The following VPS50 variants were observed in gnomAD, a reference collection of about 807,000 sequenced individuals.
VPS50 encodes VPS50 subunit of EARP/GARPII complex.
VPS50 carries 70 observed loss-of-function variants against 139.7 expected under a neutral mutation model. The ratio of observed to expected loss-of-function variants is 0.50; its 90% CI spans 0.41 to 0.61. The LOEUF (loss-of-function observed/expected upper bound fraction) is 0.61, where lower values mean the gene tolerates loss of function less well. VPS50 is among the 20% of genes least tolerant of loss of function. The pLI is 0.00. For synonymous variants in VPS50, 365 were observed against 376.7 expected, an observed-to-expected ratio of 0.97 and a Z score of 0.36; for missense variants, 921 against 1,133.7, an observed-to-expected ratio of 0.81 and a Z score of 2.69.
chr7:93,278,457 T>C (rs992400389), intron 12 of VPS50, among the ~76,000 whole-genome samples: 2 of 149,012 alleles, frequency 1.3e-5, no homozygotes, highest in African/African-American at 4.9e-5. Flanking sequence ...ATTAGCTGGG[T>C]GTAGTGGCGC....
At chr7:93,264,563 TTTAACA>T (rs1346179329) in intron 9 of VPS50, among the ~76,000 whole-genome samples, 1 of 152,346 alleles carries the variant, frequency 6.6e-6, no homozygotes, top group East Asian at 1.9e-4. Flanking sequence ...AGTACTGTAC[TTTAACA>T]TAAACAGATG....
intron 1 of VPS50, among the ~76,000 whole-genome samples, chr7:93,234,673 T>G (rs1271178865): frequency 6.6e-6 from 1 of 152,198 alleles, no homozygotes; most frequent in African/African-American, 2.4e-5. Context: ...AAGTATTTCT[T>G]TTTTTGAACC....
At chr7:93,342,965 G>A (rs902878446) in intron 23 of VPS50, among the ~76,000 whole-genome samples, 2 of 152,180 alleles carry the variant, frequency 1.3e-5, no homozygotes, top group Non-Finnish European at 1.5e-5. Flanking sequence ...CACCAGCAAC[G>A]GAACAAAGCT....
chr7:93,312,086 A>AATT (rs1251224185), intron 20 of VPS50, among the ~76,000 whole-genome samples: 12 of 152,260 alleles, frequency 7.9e-5, no homozygotes, highest in Non-Finnish European at 7.4e-5. Context: ...TCTTAAATTT[A>AATT]ATTAATGAAT....
rs536975505 is a variant in VPS50, at chr7:93,258,116, T to C, written c.423-43T>C. 16 of 792,804 alleles carry C rather than the reference T, an allele frequency of 2.0e-5. No homozygotes were observed. The African/African-American group carries it at 2.6e-4, about 13-fold the overall frequency. The allele number at this position is 792,804 out of a possible 1,614,324, so 49.1% of individuals were successfully genotyped here. The stretch of plus-strand genomic sequence containing the variant: ...TTGTTCTGTGTGGATAGTATTCTTA[T>C]TATAATAAAAAACTTTTAACTATTT... On this transcript the variant is annotated intron_variant, in intron 6 of 27. Coordinates refer to ENST00000305866, the MANE Select transcript of VPS50 (RefSeq NM_017667.4).
intron 12 of VPS50, among the ~76,000 whole-genome samples, chr7:93,287,362 T>G (rs1263391122): frequency 6.6e-6 from 1 of 151,624 alleles, no homozygotes; most frequent in East Asian, 1.9e-4. Context: ...TGTGTGTATA[T>G]CTCATCCAAA....
chr7:93,252,709 T>G lies in VPS50; in HGVS notation c.159T>G (p.Leu53=), dbSNP rs1160444285. 3 of 1,589,558 alleles carry G rather than the reference T, an allele frequency of 1.9e-6. No individual in the cohort carries two copies. The highest frequency in any genetic ancestry group is 1.3e-5 in the African/African-American group (1 of 74,312). ...QPSDPQAEQE[L]INSIEQVYFS... ...GTGACCCTCAAGCTGAACAAGAGCT[T>G]ATTAATAGTATTGAACAAGTATATT... The change falls in exon 3 of 28, where the codon CTT becomes CTG. Residue 53 remains leucine, a synonymous_variant. Transcript: ENST00000305866.
intron 20 of VPS50, 146 bp downstream of exon 20, chr7:93,311,418 T>C: frequency 1.9e-6 from 1 of 529,836 alleles, no homozygotes; most frequent in Non-Finnish European, 3.4e-6. Flanking sequence ...ATGCTTCTCA[T>C]TTTAAATGTT....
intron 2 of VPS50, among the ~76,000 whole-genome samples, chr7:93,243,740 C>T (rs1167202919): frequency 1.3e-5 from 2 of 151,714 alleles, no homozygotes; most frequent in Admixed American, 1.3e-4. Flanking sequence ...ATAGTAGAGC[C>T]ACAACGTTAT....
At chr7:93,351,693 A>G (rs1798564407) in intron 25 of VPS50, among the ~76,000 whole-genome samples, 1 of 152,162 alleles carries the variant, frequency 6.6e-6, no homozygotes, top group Non-Finnish European at 1.5e-5. Flanking sequence ...TCACTTTTAA[A>G]AAGCCCCACC....
chr7:93,232,566 GT>G (rs1794666087), intron 1 of VPS50, 66 bp downstream of exon 1: 8 of 1,384,612 alleles, frequency 5.8e-6, no homozygotes, highest in Non-Finnish European at 8.2e-6. Flanking sequence ...GAGATGTTCT[GT>G]CCCCAACCAG....
chr7:93,355,684 A>G (rs544930883), intron 26 of VPS50, among the ~76,000 whole-genome samples: 1 of 152,294 alleles, frequency 6.6e-6, no homozygotes, highest in East Asian at 1.9e-4. Flanking sequence ...TTTGCAAATG[A>G]GAAAACTGAG....
intron 20 of VPS50, among the ~76,000 whole-genome samples, chr7:93,322,975 A>G (rs966846941): frequency 6.6e-6 from 1 of 152,206 alleles, no homozygotes. Flanking sequence ...TTCCAAAAGA[A>G]GGAATGAGAA....
intron 9 of VPS50, among the ~76,000 whole-genome samples, chr7:93,266,183 A>G (rs1282517181): frequency 1.3e-5 from 2 of 152,202 alleles, no homozygotes; most frequent in Admixed American, 1.3e-4. Flanking sequence ...AAGTACATTT[A>G]CTTAAGCTCA....
chr7:93,252,422 T>G (rs981629270), intron 2 of VPS50, among the ~76,000 whole-genome samples: 1 of 152,176 alleles, frequency 6.6e-6, no homozygotes, highest in African/African-American at 2.4e-5. Context: ...TGCAAGGAAT[T>G]GAGAATAAAA....
chr7:93,346,670 A>G (rs1159014919), intron 23 of VPS50, among the ~76,000 whole-genome samples: 32 of 147,304 alleles, frequency 2.2e-4, no homozygotes, highest in Non-Finnish European at 3.5e-4. Flanking sequence ...AAATAACACC[A>G]CATATCTACA....
chr7:93,315,272 A>G (rs1797391989), intron 20 of VPS50, among the ~76,000 whole-genome samples: 1 of 152,118 alleles, frequency 6.6e-6, no homozygotes, highest in South Asian at 2.1e-4. Context: ...TATAGATGTA[A>G]TATTATAAGT....
chr7:93,241,587 C>T (rs1794992594), intron 2 of VPS50, among the ~76,000 whole-genome samples: 1 of 152,042 alleles, frequency 6.6e-6, no homozygotes, highest in East Asian at 1.9e-4. Flanking sequence ...TATAGCATAA[C>T]AAATGATGGA....
At chr7:93,307,492 G>A (rs1797150260) in intron 18 of VPS50, among the ~76,000 whole-genome samples, 1 of 151,896 alleles carries the variant, frequency 6.6e-6, no homozygotes, top group Admixed American at 6.6e-5. Context: ...TGCCTTGTTT[G>A]TATTCAGCTG....
Sources: allele counts gnomAD v4.1 joint callset (sites outside exome capture counted in the v4.1 genomes callset), GRCh38; gene constraint gnomAD v4.1.1; transcripts MANE v1.5; gene names NCBI Gene and HGNC (gene_info 2026-07-23, HGNC 2026-07-21).